Variants in DLG2 observed in about 807,000 individuals in gnomAD.
DLG2 encodes discs large MAGUK scaffold protein 2.
A neutral mutation model predicts 132.5 loss-of-function variants in DLG2; 45 were observed. The ratio of observed to expected loss-of-function variants is 0.34; its 90% CI spans 0.27 to 0.44. The LOEUF (loss-of-function observed/expected upper bound fraction) is 0.44. DLG2 is among the 20% of genes least tolerant of loss of function. DLG2 has a pLI of 1.00. For synonymous variants in DLG2, 424 were observed against 419.6 expected (o/e 1.01, Z -0.13); for missense variants, 1,045 against 1,196.9 (o/e 0.87, Z 1.87).
At chr11:84,610,767 T>A (rs920516163) in intron 6 of DLG2, among the ~76,000 whole-genome samples, 2 of 152,100 alleles carry the variant, frequency 1.3e-5, no homozygotes, top group Admixed American at 6.6e-5. Context: ...GGGTAACAGC[T>A]TGAGGGTGTA....
rs187831583 is a variant in DLG2 at position 83,621,814 on chromosome 11, G to T, written c.1940+11397C>A. 3.0e-4 allele frequency among the ~76,000 whole-genome samples: 46 copies of T among 152,168 alleles called. No individual in the cohort carries two copies. In the East Asian group the frequency reaches 6.4e-3, roughly 21 times the overall value. On this transcript the variant is annotated intron_variant, in intron 19 of 27. Coordinates refer to ENST00000376104, the MANE Select transcript of DLG2 (RefSeq NM_001142699.3). ...GTTTTGAATTAAATGTCCTAAGTCG[G>T]GGGTCAACAGGAATGGCTTCATGGG...
intron 6 of DLG2, among the ~76,000 whole-genome samples, chr11:84,591,223 C>CTCTGTGTGTGTGTG (rs1555073566): frequency 0.054 from 7,447 of 139,166 alleles, 241 homozygotes; most frequent in Middle Eastern, 0.076. Context: ...ATGTGTCTCT[C>CTCTGTGTGTGTGTG]TGTGTGTGTG....
chr11:85,096,492 A>G (rs2069802103), intron 6 of DLG2, among the ~76,000 whole-genome samples: 1 of 151,526 alleles, frequency 6.6e-6, no homozygotes, highest in Non-Finnish European at 1.5e-5. Context: ...CCACAAACCC[A>G]CCAGAAGGAA....
intron 7 of DLG2, chr11:84,317,028 T>C: frequency 1.2e-6 from 2 of 1,612,756 alleles, no homozygotes; most frequent in Non-Finnish European, 1.7e-6. Flanking sequence ...CCCTGACAGT[T>C]CCTCTGCCAG....
At chr11:84,461,307 C>T (rs1446802881) in intron 7 of DLG2, among the ~76,000 whole-genome samples, 1 of 150,672 alleles carries the variant, frequency 6.6e-6, no homozygotes, top group Non-Finnish European at 1.5e-5. Context: ...GATAAGATGG[C>T]CAATGAATGC....
chr11:84,982,822 G>A (rs1370374201), intron 6 of DLG2, among the ~76,000 whole-genome samples: 2 of 151,698 alleles, frequency 1.3e-5, no homozygotes, highest in Non-Finnish European at 2.9e-5. Context: ...CCAGGCTAAA[G>A]AACAACAAAC....
intron 11 of DLG2, among the ~76,000 whole-genome samples, chr11:84,004,898 A>AC (rs2094504882): frequency 6.9e-6 from 1 of 143,918 alleles, no homozygotes; most frequent in Non-Finnish European, 1.5e-5. Flanking sequence ...TACCAGAGTC[A>AC]TTTTTTTTTA....
intron 6 of DLG2, among the ~76,000 whole-genome samples, chr11:84,842,480 T>C (rs2080820989): frequency 6.6e-6 from 1 of 151,898 alleles, no homozygotes. Flanking sequence ...GTCAAAGAAA[T>C]AAGTTCTAGA....
chr11:84,686,010 G>A (rs1038854668), intron 6 of DLG2, among the ~76,000 whole-genome samples: 1 of 152,200 alleles, frequency 6.6e-6, no homozygotes, highest in East Asian at 1.9e-4. Flanking sequence ...CTTTAGGCCA[G>A]CAGCAGTTCT....
intron 20 of DLG2, among the ~76,000 whole-genome samples, chr11:83,534,812 G>A (rs765013950): frequency 2.0e-5 from 3 of 151,994 alleles, no homozygotes; most frequent in East Asian, 1.9e-4. Flanking sequence ...GTGTGTTGGC[G>A]GACACCTGTA....
At chr11:84,689,936 GA>G (rs1252581769) in intron 6 of DLG2, among the ~76,000 whole-genome samples, 2 of 151,900 alleles carry the variant, frequency 1.3e-5, no homozygotes, top group Admixed American at 6.6e-5. Flanking sequence ...ATATTTTGTG[GA>G]TTAAGTGTAT....
At chr11:84,688,707 C>T (rs1282512759) in intron 6 of DLG2, among the ~76,000 whole-genome samples, 8 of 152,236 alleles carry the variant, frequency 5.3e-5, no homozygotes, top group African/African-American at 1.9e-4. Context: ...TAATGTGCAT[C>T]CTACTCCATT....
intron 3 of DLG2, among the ~76,000 whole-genome samples, chr11:85,328,630 T>C (rs1230965888): frequency 4.4e-5 from 6 of 135,530 alleles, no homozygotes; most frequent in African/African-American, 1.4e-4. Context: ...TATTTCAAAA[T>C]AATAAGAGCT....
chr11:84,326,280 T>C (rs1441905795), intron 7 of DLG2, among the ~76,000 whole-genome samples: 10 of 152,126 alleles, frequency 6.6e-5, no homozygotes, highest in African/African-American at 2.4e-4. Context: ...TGTGCTTAGT[T>C]TGTCTTCCTT....
At chr11:84,389,678 T>C (rs148224823) in intron 7 of DLG2, among the ~76,000 whole-genome samples, 100 of 152,268 alleles carry the variant, frequency 6.6e-4, no homozygotes, top group African/African-American at 2.3e-3. Context: ...TTAAATCAAT[T>C]AAATCAATGT....
At chr11:83,643,636 G>C (rs1380512875) in intron 18 of DLG2, 1 of 152,030 alleles carries the variant, frequency 6.6e-6, no homozygotes, top group Non-Finnish European at 1.5e-5. Context: ...TTTCCTCTTT[G>C]CCTGACGCCA....
intron 18 of DLG2, among the ~76,000 whole-genome samples, chr11:83,656,011 T>C (rs781454033): frequency 1.3e-5 from 2 of 152,246 alleles, no homozygotes; most frequent in Non-Finnish European, 2.9e-5. Context: ...TAGGAAAGGC[T>C]GTGCCACAAA....
chr11:84,182,148 G>A (rs902413467), intron 8 of DLG2, among the ~76,000 whole-genome samples: 3 of 151,976 alleles, frequency 2.0e-5, no homozygotes, highest in Admixed American at 2.0e-4. Context: ...ATCTTAACAA[G>A]TTCAAAAGAA....
chr11:83,782,914 C>G lies in DLG2; in HGVS notation c.1825+3776G>C, dbSNP rs112898423. On this transcript the variant is annotated intron_variant, in intron 18 of 27. Coordinates refer to ENST00000376104, the MANE Select transcript of DLG2 (RefSeq NM_001142699.3). ...TGTGTGTAAGACATTATATTTCCTT[C>G]TGTGAAGTGGCATTACAGCAACTTC... 2.6e-3 allele frequency among the ~76,000 whole-genome samples: 403 copies of G among 152,212 alleles called. 2 individuals are homozygous for G. The highest frequency in any genetic ancestry group is 8.7e-3 in the African/African-American group (362 of 41,520).
Sources: allele counts gnomAD v4.1 joint callset (sites outside exome capture counted in the v4.1 genomes callset), GRCh38; gene constraint gnomAD v4.1.1; transcripts MANE v1.5; gene names NCBI Gene and HGNC (gene_info 2026-07-23, HGNC 2026-07-21).